Variants in CHSY1 observed in about 807,000 individuals in gnomAD.
CHSY1 encodes chondroitin sulfate synthase 1.
A neutral mutation model predicts 59.8 loss-of-function variants in CHSY1; 13 were observed. The ratio of observed to expected loss-of-function variants is 0.22; its 90% CI spans 0.14 to 0.35. CHSY1 has a LOEUF of 0.35. Among genes scored for constraint, CHSY1 ranks in the 10% least tolerant of loss-of-function variants. The pLI, the probability that CHSY1 is intolerant of heterozygous loss-of-function variation, is 1.00. For missense variants in CHSY1, 947 were observed against 1,030.6 expected (o/e 0.92, Z 1.11); for synonymous variants, 459 against 401.2 (o/e 1.14, Z -1.72).
At chr15:101,239,109 G>C (rs1342640530) in intron 1 of CHSY1, among the ~76,000 whole-genome samples, 3 of 152,196 alleles carry the variant, frequency 2.0e-5, no homozygotes, top group South Asian at 4.1e-4. Flanking sequence ...TCTTTATAGA[G>C]AAATGTTTTT....
intron 2 of CHSY1, among the ~76,000 whole-genome samples, chr15:101,187,056 C>T (rs1411409943): frequency 6.6e-6 from 1 of 152,170 alleles, no homozygotes; most frequent in African/African-American, 2.4e-5. Context: ...GGCAATAACA[C>T]GTCCCTATTA....
At chr15:101,212,762 A>T (rs940730883) in intron 2 of CHSY1, among the ~76,000 whole-genome samples, 2 of 152,232 alleles carry the variant, frequency 1.3e-5, no homozygotes, top group Non-Finnish European at 2.9e-5. Context: ...AACATGATCT[A>T]AAAGAATAGC....
At chr15:101,249,342 T>C (rs1315739070) in intron 1 of CHSY1, among the ~76,000 whole-genome samples, 5 of 150,026 alleles carry the variant, frequency 3.3e-5, no homozygotes, top group South Asian at 2.1e-4. Context: ...AAATAATCTA[T>C]ATGGCTCATC....
intron 2 of CHSY1, among the ~76,000 whole-genome samples, chr15:101,230,113 T>C (rs1279006706): frequency 1.3e-5 from 2 of 151,954 alleles, no homozygotes; most frequent in Admixed American, 6.6e-5. Context: ...GGCTAATTTT[T>C]GTATTTTTAG....
In CHSY1 at chr15:101,235,255, C is replaced by T. The variant is rs1366849453; in HGVS notation, c.643G>A (p.Gly215Ser). ...EEMGKLALEP[G>S]ENFCMGGPGV... ...GGCCCCCCCATGCAGAAGTTCTCAC[C>T]AGGCTCCAGGGCCAGTTTTCCCATT... The change falls in exon 2 of 3, where the codon GGT (glycine) becomes AGT (serine). Residue 215 changes from glycine (G) to serine (S), a missense_variant. Physicochemically the swap from Gly to Ser is moderately conservative, Grantham distance 56 (BLOSUM62 0). This residue lies in a region of CHSY1 where 108 missense variants were observed against 144.4 expected (regional missense o/e 0.75). Coordinates refer to ENST00000254190, the MANE Select transcript of CHSY1 (RefSeq NM_014918.5). The T allele has an allele frequency of 1.9e-6, 3 of 1,614,048 alleles. No individual in the cohort carries two copies. The highest frequency in any genetic ancestry group is 3.3e-5 in the Admixed American group (2 of 60,000).
intron 1 of CHSY1, among the ~76,000 whole-genome samples, chr15:101,239,887 G>A (rs2038985806): frequency 6.6e-6 from 1 of 152,146 alleles, no homozygotes; most frequent in Non-Finnish European, 1.5e-5. Context: ...TGCTTCCCGT[G>A]TACCCCACCA....
At chr15:101,228,851 CCTT>C (rs1567103588) in intron 2 of CHSY1, among the ~76,000 whole-genome samples, 1 of 152,134 alleles carries the variant, frequency 6.6e-6, no homozygotes, top group Non-Finnish European at 1.5e-5. Flanking sequence ...ATTTGTAATT[CCTT>C]TTTTCTCTGA....
intron 1 of CHSY1, chr15:101,242,452 T>A (rs1445941907): frequency 2.0e-5 from 3 of 152,218 alleles, no homozygotes; most frequent in Non-Finnish European, 4.4e-5. Context: ...CCATGAGAAG[T>A]CACGAGACTG....
chr15:101,211,659 T>C (rs920844321), intron 2 of CHSY1, among the ~76,000 whole-genome samples: 2 of 152,048 alleles, frequency 1.3e-5, no homozygotes, highest in Non-Finnish European at 2.9e-5. Flanking sequence ...ACTGGGCACA[T>C]CATAATAGGA....
At chr15:101,217,736 T>A (rs912385410) in intron 2 of CHSY1, among the ~76,000 whole-genome samples, 2 of 152,150 alleles carry the variant, frequency 1.3e-5, no homozygotes, top group African/African-American at 4.8e-5. Flanking sequence ...CATATTGACA[T>A]AACTGAACAA....
chr15:101,195,616 T>G (rs898431069), intron 2 of CHSY1, among the ~76,000 whole-genome samples: 1 of 152,004 alleles, frequency 6.6e-6, no homozygotes, highest in Non-Finnish European at 1.5e-5. Flanking sequence ...GGTCAGGAGA[T>G]CGAAACCATA....
intron 2 of CHSY1, among the ~76,000 whole-genome samples, chr15:101,232,615 A>G (rs2038902527): frequency 6.6e-6 from 1 of 152,252 alleles, no homozygotes. Context: ...ACCGTAATGG[A>G]AAAGAATGAT....
chr15:101,234,026 A>G (rs554936646), intron 2 of CHSY1, among the ~76,000 whole-genome samples: 1 of 152,298 alleles, frequency 6.6e-6, no homozygotes, highest in Admixed American at 6.5e-5. Context: ...AACCTCAATA[A>G]TTTTTTTCAC....
chr15:101,206,613 A>G (rs1332949204), intron 2 of CHSY1, among the ~76,000 whole-genome samples: 1 of 152,242 alleles, frequency 6.6e-6, no homozygotes, highest in Non-Finnish European at 1.5e-5. Flanking sequence ...TATGCACCAA[A>G]AGAAAGTAAA....
At chr15:101,250,179 T>C (rs1742691167) in intron 1 of CHSY1, among the ~76,000 whole-genome samples, 2 of 152,238 alleles carry the variant, frequency 1.3e-5, no homozygotes, top group Non-Finnish European at 2.9e-5. Flanking sequence ...ACCAGACAAC[T>C]GATGCTCTAA....
intron 2 of CHSY1, among the ~76,000 whole-genome samples, chr15:101,212,527 C>T (rs928438988): frequency 3.3e-5 from 5 of 152,286 alleles, no homozygotes; most frequent in Admixed American, 1.3e-4. Flanking sequence ...AGAGTCCACA[C>T]GTATGATTCC....
At chr15:101,199,822 A>T (rs1310746677) in intron 2 of CHSY1, among the ~76,000 whole-genome samples, 1 of 152,220 alleles carries the variant, frequency 6.6e-6, no homozygotes, top group East Asian at 1.9e-4. Flanking sequence ...CATAAAAGGC[A>T]GTTTCAAGAA....
At position 101,247,464 on chromosome 15, in the gene CHSY1, G is replaced by A. The variant is rs112958991; in HGVS notation, c.320+3673C>T. Among the ~76,000 whole-genome samples the A allele has an allele frequency of 4.4e-3, 676 of 152,068 alleles. 5 individuals carry two copies. The highest frequency in any genetic ancestry group is 0.016 in the African/African-American group (648 of 41,488). ...TAGCAGAAACCCTCTTTTTAGTGTCGTCCCTCTGACTAAAGAACATGACAG... is the reference window on the plus strand; with the variant it reads ...TAGCAGAAACCCTCTTTTTAGTGTCATCCCTCTGACTAAAGAACATGACAG... On this transcript the variant is annotated intron_variant, in intron 1 of 2. Transcript: ENST00000254190.
intron 2 of CHSY1, among the ~76,000 whole-genome samples, chr15:101,205,856 G>T (rs1248956141): frequency 6.6e-6 from 1 of 152,124 alleles, no homozygotes; most frequent in Non-Finnish European, 1.5e-5. Context: ...GGGGGCTGAG[G>T]CAGGAGAATG....
Sources: gnomAD v4.1 joint callset for allele counts (sites outside exome capture counted in the v4.1 genomes callset) on GRCh38, gnomAD v4.1.1 for gene constraint, gnomAD v4.1.1 regional missense constraint, MANE v1.5 for transcripts, NCBI Gene and HGNC (gene_info 2026-07-23, HGNC 2026-07-21) for gene names.